UGGT2: variants seen among roughly 807,000 people sequenced by gnomAD.
The protein encoded by UGGT2 is UDP-glucose:glycoprotein glucosyltransferase 2.
A neutral mutation model predicts 192.1 loss-of-function variants in UGGT2; 180 were observed. The ratio of observed to expected loss-of-function variants is 0.94; its 90% CI spans 0.83 to 1.06. The LOEUF is 1.06. Among genes scored for constraint, UGGT2 ranks in the 50% least tolerant of loss-of-function variants. The pLI is 0.00. For synonymous variants in UGGT2, 580 were observed against 591.0 expected, an observed-to-expected ratio of 0.98 and a Z score of 0.27; for missense variants, 1,849 against 1,795.7, an observed-to-expected ratio of 1.03 and a Z score of -0.54.
Position 95,988,296 on chromosome 13 carries a change from G to T in UGGT2, c.931+1677C>A, listed in dbSNP as rs577386455. The stretch of plus-strand genomic sequence containing the variant: ...TAATGTAAGGCCACTATTTGATCAG[G>T]GATGTACAAGTGATAAAGCCTGGCT... On this transcript the variant is annotated intron_variant, in intron 8 of 38. Transcript: ENST00000376747. Among the ~76,000 whole-genome samples the T allele has an allele frequency of 3.3e-5, 5 of 152,122 alleles. No individual in the cohort carries two copies. The South Asian group carries it at 1.0e-3, about 32-fold the overall frequency.
At position 95,969,903 on chromosome 13, in the gene UGGT2, T is replaced by C. The variant is rs117094687; in HGVS notation, c.1335+209A>G. Among the ~76,000 whole-genome samples the C allele has an allele frequency of 3.0e-3, 462 of 152,264 alleles. 4 individuals carry two copies. Among genetic ancestry groups the C allele is most frequent in the Middle Eastern group, 0.027 (8 of 294 alleles). ...GGAAAAGACACTGAATGAGATTGAG[T>C]AGGTATTCTTGTGACAAAACAGAGA... On this transcript the variant is annotated intron_variant, in intron 12 of 38. Coordinates refer to ENST00000376747, the MANE Select transcript of UGGT2 (RefSeq NM_020121.4).
At chr13:95,896,484 T>A (rs1309037913) in intron 22 of UGGT2, among the ~76,000 whole-genome samples, 1 of 152,146 alleles carries the variant, frequency 6.6e-6, no homozygotes, top group Non-Finnish European at 1.5e-5. Flanking sequence ...CAATGTTACA[T>A]TTCTGAACAA....
At chr13:95,887,831 G>GT in intron 26 of UGGT2, 61 bp downstream of exon 26, 2 of 1,052,534 alleles carry the variant, frequency 1.9e-6, no homozygotes, top group Non-Finnish European at 2.9e-6. Flanking sequence ...AACAATGATT[G>GT]TTTTTTTCTT....
intron 1 of UGGT2, among the ~76,000 whole-genome samples, chr13:96,041,407 T>C (rs2053160919): frequency 6.6e-6 from 1 of 152,108 alleles, no homozygotes; most frequent in South Asian, 2.1e-4. Context: ...CGGGTAGGGC[T>C]GCCAGAGGTA....
chr13:95,882,056 G>A (rs1020108146), intron 27 of UGGT2, among the ~76,000 whole-genome samples: 1 of 151,898 alleles, frequency 6.6e-6, no homozygotes, highest in Non-Finnish European at 1.5e-5. Context: ...TTACAGGCAC[G>A]TGTCACCATG....
intron 36 of UGGT2, among the ~76,000 whole-genome samples, chr13:95,838,195 C>T (rs1271225398): frequency 1.3e-5 from 2 of 152,234 alleles, no homozygotes; most frequent in South Asian, 2.1e-4. Flanking sequence ...TAAGAAAACA[C>T]ACCATTTACA....
intron 27 of UGGT2, among the ~76,000 whole-genome samples, chr13:95,883,158 C>T (rs1278416750): frequency 2.0e-5 from 3 of 152,022 alleles, no homozygotes; most frequent in African/African-American, 4.8e-5. Flanking sequence ...TAGGATCCCA[C>T]AGAATCCACA....
chr13:95,982,822 G>A (rs2051170467), intron 10 of UGGT2, among the ~76,000 whole-genome samples: 3 of 152,160 alleles, frequency 2.0e-5, no homozygotes, highest in Admixed American at 1.3e-4. Context: ...GGATACACAG[G>A]AATTTGTAAG....
intron 15 of UGGT2, among the ~76,000 whole-genome samples, chr13:95,946,342 A>C (rs926708586): frequency 5.3e-5 from 8 of 152,148 alleles, no homozygotes; most frequent in African/African-American, 1.9e-4. Flanking sequence ...TTTATATGCT[A>C]TGTCATTCAG....
At chr13:95,950,810 T>G (rs2050038446) in intron 12 of UGGT2, among the ~76,000 whole-genome samples, 3 of 152,098 alleles carry the variant, frequency 2.0e-5, no homozygotes, top group South Asian at 2.1e-4. Context: ...TGGGTTTAAT[T>G]GCAGACTGTA....
At chr13:95,883,801 T>A (rs957230347) in intron 27 of UGGT2, among the ~76,000 whole-genome samples, 3 of 152,184 alleles carry the variant, frequency 2.0e-5, no homozygotes, top group African/African-American at 7.2e-5. Flanking sequence ...CTTAAATTCT[T>A]CCAAAACGCT....
chr13:95,827,829 C>T (rs1013398518), intron 38 of UGGT2, among the ~76,000 whole-genome samples: 1 of 152,118 alleles, frequency 6.6e-6, no homozygotes, highest in Non-Finnish European at 1.5e-5. Flanking sequence ...GGATTTCTGA[C>T]ATCAGAATCA....
chr13:95,862,701 A>G lies in UGGT2; in HGVS notation c.3644+928T>C, dbSNP rs1021185693. Reference sequence around the variant, plus strand: ...GAAAGAGGCAACTTCCTTCCACTGGAAACAGTAAACTTTTACTTACAAAAG... The same window carrying G: ...GAAAGAGGCAACTTCCTTCCACTGGGAACAGTAAACTTTTACTTACAAAAG... On this transcript the variant is annotated intron_variant, in intron 31 of 38. Transcript: ENST00000376747. 2.8e-4 allele frequency among the ~76,000 whole-genome samples: 42 copies of G among 152,308 alleles called. 1 individual carries two copies. Among genetic ancestry groups the G allele is most frequent in the Admixed American group, 2.7e-3 (41 of 15,284 alleles).
At chr13:95,984,196 A>T (rs2051218734) in intron 9 of UGGT2, among the ~76,000 whole-genome samples, 1 of 152,218 alleles carries the variant, frequency 6.6e-6, no homozygotes, top group African/African-American at 2.4e-5. Flanking sequence ...TGAAATTACC[A>T]ATGTATAAGT....
intron 36 of UGGT2, among the ~76,000 whole-genome samples, chr13:95,846,102 G>A (rs1453804820): frequency 2.6e-5 from 4 of 152,142 alleles, no homozygotes; most frequent in African/African-American, 9.7e-5. Flanking sequence ...GTAGGGAGCC[G>A]AGATCACGCC....
chr13:95,836,590 T>C (rs752110028), intron 37 of UGGT2, among the ~76,000 whole-genome samples: 8 of 152,162 alleles, frequency 5.3e-5, no homozygotes, highest in Non-Finnish European at 1.0e-4. Flanking sequence ...TTTAGGTGTG[T>C]CTCAGGCAGA....
intron 1 of UGGT2, among the ~76,000 whole-genome samples, chr13:96,032,249 A>G (rs1405615315): frequency 1.3e-5 from 2 of 152,178 alleles, no homozygotes; most frequent in Non-Finnish European, 2.9e-5. Context: ...CAACAACTAA[A>G]AAATTGATAG....
intron 36 of UGGT2, among the ~76,000 whole-genome samples, chr13:95,843,850 A>T (rs1033986458): frequency 6.6e-6 from 1 of 152,084 alleles, no homozygotes; most frequent in African/African-American, 2.4e-5. Flanking sequence ...CCAACACCAA[A>T]CTATTTTGAC....
chr13:95,835,187 A>G (rs542821230), intron 37 of UGGT2, among the ~76,000 whole-genome samples: 2 of 152,314 alleles, frequency 1.3e-5, no homozygotes, highest in East Asian at 3.9e-4. Flanking sequence ...CAGCCACATA[A>G]GGCAAGTGGC....
Sources: gnomAD v4.1 joint callset for allele counts (sites outside exome capture counted in the v4.1 genomes callset) on GRCh38, gnomAD v4.1.1 for gene constraint, MANE v1.5 for transcripts, NCBI Gene and HGNC (gene_info 2026-07-23, HGNC 2026-07-21) for gene names.